The following KCNH8 variants were observed in gnomAD, a reference collection of about 807,000 sequenced individuals.
KCNH8 encodes potassium voltage-gated channel subfamily H member 8.
A neutral mutation model predicts 103.6 loss-of-function variants in KCNH8; 70 were observed. The ratio of observed to expected loss-of-function variants is 0.68; its 90% CI spans 0.56 to 0.82. The LOEUF (loss-of-function observed/expected upper bound fraction) is 0.82. KCNH8 is among the 40% of genes least tolerant of loss of function. KCNH8 has a pLI of 0.00. For missense variants in KCNH8, 1,217 were observed against 1,329.9 expected (o/e 0.92, Z 1.32); for synonymous variants, 498 against 489.4 (o/e 1.02, Z -0.23).
At chr3:19,423,851 T>C (rs2066987627) in intron 7 of KCNH8, among the ~76,000 whole-genome samples, 1 of 152,144 alleles carries the variant, frequency 6.6e-6, no homozygotes, top group Admixed American at 6.5e-5. Flanking sequence ...CTTTAAGGAA[T>C]CTCCATACTG....
chr3:19,516,314 G>C (rs539875587), intron 14 of KCNH8, among the ~76,000 whole-genome samples: 1 of 152,178 alleles, frequency 6.6e-6, no homozygotes, highest in South Asian at 2.1e-4. Context: ...TAGAATACCA[G>C]CATTTCATCT....
At chr3:19,445,416 G>A (rs1174005746) in intron 8 of KCNH8, among the ~76,000 whole-genome samples, 1 of 151,730 alleles carries the variant, frequency 6.6e-6, no homozygotes, top group Non-Finnish European at 1.5e-5. Flanking sequence ...TGATTCTATA[G>A]CTATGTTTAC....
At chr3:19,361,887 GTA>G (rs766898218) in intron 5 of KCNH8, among the ~76,000 whole-genome samples, 2 of 152,030 alleles carry the variant, frequency 1.3e-5, no homozygotes, top group Non-Finnish European at 2.9e-5. Flanking sequence ...ATTAGGGCAG[GTA>G]TATATTTGTA....
intron 1 of KCNH8, among the ~76,000 whole-genome samples, chr3:19,152,010 A>T (rs2063135001): frequency 2.0e-5 from 3 of 152,126 alleles, no homozygotes; most frequent in Non-Finnish European, 2.9e-5. Context: ...AGAAAAAGTA[A>T]TTCCAATTAA....
At chr3:19,434,112 T>G (rs2067161721) in intron 7 of KCNH8, among the ~76,000 whole-genome samples, 1 of 152,214 alleles carries the variant, frequency 6.6e-6, no homozygotes, top group Non-Finnish European at 1.5e-5. Context: ...TGAACTTTTG[T>G]GTAAATCTAA....
In KCNH8 at chr3:19,220,224, A is replaced by T. The variant is rs534324783; in HGVS notation, c.77-33430A>T. 2.6e-5 allele frequency among the ~76,000 whole-genome samples: 4 copies of T among 152,328 alleles called. No individual in the cohort carries two copies. The South Asian group carries it at 8.3e-4, about 32-fold the overall frequency. On this transcript the variant is annotated intron_variant, in intron 1 of 15. Coordinates refer to ENST00000328405, the MANE Select transcript of KCNH8 (RefSeq NM_144633.3). The stretch of plus-strand genomic sequence containing the variant: ...CTGGCGCCCAGCATAGATGCTATAT[A>T]TGGAAAATGCTTGGAAAATCCTTCT...
intron 7 of KCNH8, among the ~76,000 whole-genome samples, chr3:19,414,901 T>C (rs1461217225): frequency 6.6e-6 from 1 of 152,022 alleles, no homozygotes; most frequent in East Asian, 1.9e-4. Flanking sequence ...ATTAATATAA[T>C]AGAAACCTGC....
chr3:19,201,459 A>T (rs2125218029), intron 1 of KCNH8, among the ~76,000 whole-genome samples: 1 of 152,084 alleles, frequency 6.6e-6, no homozygotes, highest in Middle Eastern at 3.4e-3. Flanking sequence ...TCCTCCAAGG[A>T]TGCTGTATGT....
intron 11 of KCNH8, among the ~76,000 whole-genome samples, chr3:19,489,369 T>C (rs888503063): frequency 5.3e-5 from 8 of 152,188 alleles, no homozygotes; most frequent in African/African-American, 1.9e-4. Flanking sequence ...CTACTAGTAC[T>C]GCTGCTGCCT....
At chr3:19,273,754 G>A (rs1251982129) in intron 2 of KCNH8, among the ~76,000 whole-genome samples, 1 of 152,092 alleles carries the variant, frequency 6.6e-6, no homozygotes, top group African/African-American at 2.4e-5. Flanking sequence ...CATTCTCTTT[G>A]TCTCAACCTG....
At chr3:19,324,430 C>T (rs1223940069) in intron 3 of KCNH8, among the ~76,000 whole-genome samples, 1 of 152,126 alleles carries the variant, frequency 6.6e-6, no homozygotes, top group Non-Finnish European at 1.5e-5. Context: ...AACTCACTCA[C>T]TATCACAGGA....
chr3:19,280,686 A>G (rs980868852), intron 2 of KCNH8, among the ~76,000 whole-genome samples: 1 of 152,126 alleles, frequency 6.6e-6, no homozygotes, highest in Non-Finnish European at 1.5e-5. Flanking sequence ...TGAATCAGCC[A>G]GCAATGTATG....
intron 11 of KCNH8, among the ~76,000 whole-genome samples, chr3:19,501,094 T>A (rs1177036089): frequency 1.3e-5 from 2 of 151,922 alleles, no homozygotes; most frequent in Non-Finnish European, 2.9e-5. Context: ...ATAAAGGGGA[T>A]ATCACCACCG....
At chr3:19,234,978 T>C (rs1296687175) in intron 1 of KCNH8, among the ~76,000 whole-genome samples, 1 of 152,242 alleles carries the variant, frequency 6.6e-6, no homozygotes, top group East Asian at 1.9e-4. Context: ...TAAATAATTA[T>C]CTTACTTGTT....
chr3:19,237,694 G>GA lies in KCNH8; in HGVS notation c.77-15957dup, dbSNP rs140767059. 4.4e-3 allele frequency among the ~76,000 whole-genome samples: 666 copies of GA among 152,294 alleles called. 4 individuals carry two copies. Among genetic ancestry groups the GA allele is most frequent in the African/African-American group, 0.015 (620 of 41,566 alleles). ...GAGCAAGTGAAAATAGCAAGACTGA[G>GA]AAATCTGTGCAGTTAGTATATTAGC... On this transcript the variant is annotated intron_variant, in intron 1 of 15. Coordinates refer to ENST00000328405, the MANE Select transcript of KCNH8 (RefSeq NM_144633.3).
At chr3:19,181,814 A>G (rs2063455840) in intron 1 of KCNH8, among the ~76,000 whole-genome samples, 1 of 152,212 alleles carries the variant, frequency 6.6e-6, no homozygotes, top group Admixed American at 6.5e-5. Flanking sequence ...GACAGTTTCA[A>G]CAAACAGAGA....
At chr3:19,476,259 T>C (rs545911143) in intron 11 of KCNH8, among the ~76,000 whole-genome samples, 1 of 152,158 alleles carries the variant, frequency 6.6e-6, no homozygotes, top group Non-Finnish European at 1.5e-5. Context: ...TCAAACACTA[T>C]CTTCAACAGA....
intron 2 of KCNH8, among the ~76,000 whole-genome samples, chr3:19,258,941 C>CTATA (rs1559446903): frequency 7.0e-4 from 45 of 64,500 alleles, no homozygotes; most frequent in African/African-American, 9.8e-4. Flanking sequence ...CTCTCTCTCT[C>CTATA]TCTCTCTATA....
intron 1 of KCNH8, among the ~76,000 whole-genome samples, chr3:19,225,272 T>C (rs1257173451): frequency 1.3e-5 from 2 of 151,628 alleles, no homozygotes; most frequent in African/African-American, 4.8e-5. Flanking sequence ...TCCATAAAAA[T>C]CCAATCCATT....
Sources: gnomAD v4.1 joint callset for allele counts (sites outside exome capture counted in the v4.1 genomes callset) on GRCh38, gnomAD v4.1.1 for gene constraint, MANE v1.5 for transcripts, NCBI Gene and HGNC (gene_info 2026-07-23, HGNC 2026-07-21) for gene names.